Variants in FRMD4A observed in about 807,000 individuals in gnomAD.
FRMD4A encodes the protein FERM domain-containing protein 4A.
FRMD4A carries 29 observed loss-of-function variants against 129.1 expected under a neutral mutation model. That is an observed-to-expected ratio of 0.22 (90% confidence interval 0.17 to 0.31). The LOEUF (loss-of-function observed/expected upper bound fraction) is 0.31, where lower values mean the gene tolerates loss of function less well. Among genes scored for constraint, FRMD4A ranks in the 10% least tolerant of loss-of-function variants. The probability of loss-of-function intolerance (pLI) is 1.00; values close to 1 mark genes in which losing one functional copy is unlikely to be tolerated. For synonymous variants in FRMD4A, 634 were observed against 571.6 expected (o/e 1.11, Z -1.56); for missense variants, 1,272 against 1,375.8 (o/e 0.92, Z 1.19).
At chr10:13,759,686 C>G (rs1416324652) in intron 8 of FRMD4A, among the ~76,000 whole-genome samples, 1 of 151,998 alleles carries the variant, frequency 6.6e-6, no homozygotes, top group African/African-American at 2.4e-5. Context: ...AAAAAAGTGA[C>G]AAATAAAAAT....
chr10:14,167,895 A>G (rs951292916), intron 2 of FRMD4A, among the ~76,000 whole-genome samples: 15 of 152,160 alleles, frequency 9.9e-5, no homozygotes, highest in Admixed American at 9.2e-4. Context: ...ATCCCCGTGG[A>G]TAGACAGAGG....
intron 18 of FRMD4A, among the ~76,000 whole-genome samples, chr10:13,663,985 A>G (rs559394172): frequency 1.3e-5 from 2 of 152,356 alleles, no homozygotes; most frequent in East Asian, 3.9e-4. Flanking sequence ...ATTAGTAGAG[A>G]AAACAAGCGT....
At chr10:14,319,302 T>C (rs11259007) in intron 2 of FRMD4A, among the ~76,000 whole-genome samples, 45,789 of 148,936 alleles carry the variant, frequency 0.31, 8,605 homozygotes, top group East Asian at 0.52. Flanking sequence ...AATTACAAAG[T>C]GTGGGATAGT....
intron 2 of FRMD4A, among the ~76,000 whole-genome samples, chr10:13,905,043 C>T (rs758464088): frequency 6.9e-6 from 1 of 144,562 alleles, no homozygotes; most frequent in Non-Finnish European, 1.5e-5. Context: ...AGTGTTAATA[C>T]GCAACTCCTT....
At chr10:14,236,555 G>T (rs946446744) in intron 2 of FRMD4A, among the ~76,000 whole-genome samples, 1 of 152,186 alleles carries the variant, frequency 6.6e-6, no homozygotes. Flanking sequence ...CACCTGCCCT[G>T]CCAGGGTGCG....
chr10:14,075,574 G>A (rs551669337), intron 2 of FRMD4A, among the ~76,000 whole-genome samples: 1 of 152,306 alleles, frequency 6.6e-6, no homozygotes, highest in South Asian at 2.1e-4. Context: ...CCTAACCTGA[G>A]CTGAAATGGC....
At chr10:14,255,879 A>C (rs1220878211) in intron 2 of FRMD4A, among the ~76,000 whole-genome samples, 1 of 151,920 alleles carries the variant, frequency 6.6e-6, no homozygotes, top group East Asian at 1.9e-4. Context: ...GGTGGCCTGC[A>C]CCTTTAATCT....
intron 2 of FRMD4A, among the ~76,000 whole-genome samples, chr10:13,966,905 T>C (rs2095488620): frequency 6.6e-6 from 1 of 152,246 alleles, no homozygotes; most frequent in Non-Finnish European, 1.5e-5. Context: ...TAAAAAGGAA[T>C]GAATTAATGG....
rs577431334 is a variant in FRMD4A at position 13,972,265 on chromosome 10, C to T, written c.46-113353G>A. On this transcript the variant is annotated intron_variant, in intron 2 of 24. Coordinates refer to ENST00000357447, the MANE Select transcript of FRMD4A (RefSeq NM_018027.5). ...GAGCTGCAGCCTTCCCTGCAACATT[C>T]CCCAGACATTCCATCCCTTTTCTTA... 6.1e-6 allele frequency: 6 copies of T among 990,664 alleles called. No homozygotes were observed. In the South Asian group the frequency reaches 2.3e-4, roughly 38 times the overall value. The allele number at this position is 990,664 out of a possible 1,614,324, so 61.4% of individuals were successfully genotyped here.
At chr10:14,012,346 C>T (rs2457839) in intron 2 of FRMD4A, among the ~76,000 whole-genome samples, 44,833 of 152,020 alleles carry the variant, frequency 0.29, 8,559 homozygotes, top group African/African-American at 0.54. Flanking sequence ...CTTCCAGTCT[C>T]AATGAAAATG....
At chr10:14,112,593 T>C (rs552068454) in intron 2 of FRMD4A, among the ~76,000 whole-genome samples, 3 of 152,350 alleles carry the variant, frequency 2.0e-5, no homozygotes, top group Admixed American at 6.5e-5. Context: ...TGGCGCCATC[T>C]TGGCTCACTG....
intron 12 of FRMD4A, among the ~76,000 whole-genome samples, chr10:13,717,489 T>C (rs1292894417): frequency 1.3e-5 from 2 of 152,028 alleles, no homozygotes; most frequent in African/African-American, 4.8e-5. Flanking sequence ...AATTTTTGTA[T>C]TTTTAGTAGA....
intron 3 of FRMD4A, among the ~76,000 whole-genome samples, chr10:13,854,345 T>C (rs2094183918): frequency 6.6e-6 from 1 of 152,248 alleles, no homozygotes; most frequent in Non-Finnish European, 1.5e-5. Context: ...CCGCCCCCCA[T>C]ATCTGGCTAT....
intron 12 of FRMD4A, chr10:13,707,801 A>G (rs2087621990): frequency 2.0e-6 from 2 of 985,286 alleles, no homozygotes; most frequent in Non-Finnish European, 2.4e-6. Flanking sequence ...CGCTGCGGCC[A>G]GAGTCTCTCC....
At position 13,656,911 on chromosome 10, in the gene FRMD4A, G is replaced by A; in HGVS notation, c.2678C>T (p.Thr893Met). 2.7e-6 allele frequency: 4 copies of A among 1,494,702 alleles called. No homozygotes were observed. The highest frequency in any genetic ancestry group is 2.2e-5 in the Admixed American group (1 of 45,094). The allele number at this position is 1,494,702 out of a possible 1,614,324, so 92.6% of individuals were successfully genotyped here. ...CGATCGCGACGGCGTCAGGCGGCCC[G>A]TGTCGCCCTCGTCGCCGCCGCCGCC... ...WRGGGGDEGD[T>M]GRLTPSRSQI... The change falls in exon 22 of 25, where the codon ACG (threonine) becomes ATG (methionine). Residue 893 changes from threonine to methionine, a missense_variant. This residue lies in a region of FRMD4A where 972 missense variants were observed against 892.3 expected (regional missense o/e 1.09). Coordinates refer to ENST00000357447, the MANE Select transcript of FRMD4A (RefSeq NM_018027.5).
chr10:14,077,772 G>A lies in FRMD4A; in HGVS notation c.46-218860C>T, dbSNP rs1835697394. On this transcript the variant is annotated intron_variant, in intron 2 of 24. Coordinates refer to ENST00000357447, the MANE Select transcript of FRMD4A (RefSeq NM_018027.5). ...GTGGCTTGATGTCTAATGCTTGGAG[G>A]ATTATATAATTGAATTGTAGATGCT... 2.0e-5 allele frequency among the ~76,000 whole-genome samples: 3 copies of A among 152,170 alleles called. No individual in the cohort carries two copies. In the South Asian group the frequency reaches 6.2e-4, roughly 32 times the overall value.
intron 3 of FRMD4A, among the ~76,000 whole-genome samples, chr10:13,852,833 C>T (rs1047825928): frequency 5.9e-5 from 9 of 152,076 alleles, no homozygotes; most frequent in Non-Finnish European, 1.0e-4. Context: ...GCTACTGTAC[C>T]ACGAGGTGCA....
intron 2 of FRMD4A, among the ~76,000 whole-genome samples, chr10:13,989,200 T>A (rs984446184): frequency 3.9e-5 from 6 of 152,234 alleles, no homozygotes; most frequent in African/African-American, 1.4e-4. Context: ...CGGTAGTGGC[T>A]CCTGCTTCTG....
At chr10:14,280,574 T>C (rs1845485531) in intron 2 of FRMD4A, among the ~76,000 whole-genome samples, 1 of 152,236 alleles carries the variant, frequency 6.6e-6, no homozygotes, top group African/African-American at 2.4e-5. Flanking sequence ...CTCAAACAGA[T>C]TCCAATGACA....
Sources: gnomAD v4.1 joint callset for allele counts (sites outside exome capture counted in the v4.1 genomes callset) on GRCh38, gnomAD v4.1.1 for gene constraint, gnomAD v4.1.1 regional missense constraint, MANE v1.5 for transcripts, NCBI Gene and HGNC (gene_info 2026-07-23, HGNC 2026-07-21) for gene names.